The following PCDH11X variants were observed in gnomAD, a reference collection of about 807,000 sequenced individuals.
PCDH11X encodes the protein protocadherin 11 X-linked, also known as protocadherin-11 X-linked.
Under a neutral mutation model 53.3 loss-of-function variants are expected in PCDH11X, and 18 were observed. The ratio of observed to expected loss-of-function variants is 0.34; its 90% CI spans 0.23 to 0.50. The LOEUF is 0.50. PCDH11X is among the 20% of genes least tolerant of loss of function. PCDH11X has a pLI of 0.98. For missense variants in PCDH11X, 570 were observed against 1,032.4 expected (o/e 0.55, Z 6.14); for synonymous variants, 279 against 393.3 (o/e 0.71, Z 3.44).
In PCDH11X at chrX:91,877,491, C is replaced by T. The variant is rs372561640; in HGVS notation, c.1251C>T (p.Leu417=). The T allele has an allele frequency of 1.1e-5, 13 of 1,211,484 alleles. No individual in the cohort carries two copies. The Middle Eastern group carries it at 1.1e-3, about 107-fold the overall frequency. ...RLRPVFSNQF[L]LETAAYLDYE... ...GGCCAGTATTCAGTAATCAGTTCCT[C>T]CTGGAGACTGCAGCATATCTTGACT... is the stretch of plus-strand genomic sequence containing the variant. Residue 417 remains leucine (L), a synonymous_variant, in exon 6 of 11, where the codon CTC becomes CTT. Transcript: ENST00000682573.
At chrX:91,904,521 T>C (rs1941076939) in intron 6 of PCDH11X, among the ~76,000 whole-genome samples, 1 of 111,203 alleles carries the variant, frequency 9.0e-6, no homozygotes, top group African/African-American at 3.3e-5. Flanking sequence ...TATAAAATAG[T>C]ATAAATTAAT....
At chrX:92,445,539 A>G (rs1444050046) in intron 9 of PCDH11X, among the ~76,000 whole-genome samples, 1 of 109,915 alleles carries the variant, frequency 9.1e-6, no homozygotes, top group East Asian at 2.9e-4. Flanking sequence ...TTAAAAAACT[A>G]AAAGAATAGT....
intron 6 of PCDH11X, among the ~76,000 whole-genome samples, chrX:91,916,968 T>C (rs1416911303): frequency 9.0e-6 from 1 of 111,287 alleles, no homozygotes; most frequent in Non-Finnish European, 1.9e-5. Flanking sequence ...TCCACCATGA[T>C]CACGTGGGTT....
At chrX:92,107,565 C>T (rs34790495) in intron 6 of PCDH11X, among the ~76,000 whole-genome samples, 4 of 111,715 alleles carry the variant, frequency 3.6e-5, no homozygotes, top group Non-Finnish European at 7.5e-5. Flanking sequence ...GGAGAAACCC[C>T]GTCTCTACTA....
rs184107313 is a variant in PCDH11X at position 92,585,661 on chromosome X, C to T, written c.3368-32603C>T. The stretch of plus-strand genomic sequence containing the variant: ...CTGGGATTACAGGCGTGAGCCACCG[C>T]GCCCAGCCAAATAGTGCTTTCTGAA... On this transcript the variant is annotated intron_variant, in intron 10 of 10. Transcript: ENST00000682573. Among the ~76,000 whole-genome samples the T allele has an allele frequency of 1.1e-3, 125 of 110,960 alleles. No homozygotes were observed. In the East Asian group the frequency reaches 0.023, roughly 20 times the overall value.
chrX:92,263,291 CT>C, intron 8 of PCDH11X, 148 bp downstream of exon 8: 1 of 461,851 alleles, frequency 2.2e-6, no homozygotes, highest in Non-Finnish European at 3.5e-6. Flanking sequence ...TCAAGCTGAG[CT>C]GTTTTCACAT....
At chrX:92,444,747 A>G (rs1307939705) in intron 9 of PCDH11X, among the ~76,000 whole-genome samples, 1 of 100,547 alleles carries the variant, frequency 9.9e-6, no homozygotes, top group Non-Finnish European at 2.0e-5. Context: ...TTTTTTTTTT[A>G]ATGATGAAGG....
intron 10 of PCDH11X, among the ~76,000 whole-genome samples, chrX:92,587,523 C>A (rs1454018415): frequency 1.2e-4 from 13 of 109,535 alleles, no homozygotes; most frequent in Non-Finnish European, 1.7e-4. Context: ...AACATATAAG[C>A]ATTTAGAAAG....
At chrX:92,104,243 G>C (rs1168201761) in intron 6 of PCDH11X, among the ~76,000 whole-genome samples, 3 of 110,202 alleles carry the variant, frequency 2.7e-5, no homozygotes, top group Non-Finnish European at 5.7e-5. Context: ...GGGTGGAGGA[G>C]TGGAGGCTGA....
intron 6 of PCDH11X, among the ~76,000 whole-genome samples, chrX:92,123,784 G>T (rs2064814499): frequency 9.4e-6 from 1 of 106,229 alleles, no homozygotes; most frequent in Non-Finnish European, 1.9e-5. Flanking sequence ...ATTCTTCTCA[G>T]AATAGATAGA....
At chrX:92,233,761 A>G (rs770511745) in intron 7 of PCDH11X, among the ~76,000 whole-genome samples, 2 of 112,418 alleles carry the variant, frequency 1.8e-5, no homozygotes, top group South Asian at 7.3e-4. Context: ...AGTGTGCTTC[A>G]AACTTAACTA....
At chrX:92,140,596 G>A (rs1271999878) in intron 6 of PCDH11X, among the ~76,000 whole-genome samples, 1 of 111,313 alleles carries the variant, frequency 9.0e-6, no homozygotes, top group African/African-American at 3.3e-5. Context: ...CCTTTTTCTT[G>A]TATTAAAAAC....
At chrX:91,855,801 G>T (rs1383588376) in intron 5 of PCDH11X, among the ~76,000 whole-genome samples, 3 of 111,136 alleles carry the variant, frequency 2.7e-5, no homozygotes, top group Non-Finnish European at 3.8e-5. Flanking sequence ...TGTCACATTG[G>T]TCGCTGTTGG....
At position 92,505,152 on chromosome X, in the gene PCDH11X, C is replaced by CTT. The variant is rs58620449; in HGVS notation, c.3367+36843_3367+36844dup. 9.0e-3 allele frequency among the ~76,000 whole-genome samples: 580 copies of CTT among 64,198 alleles called. 2 individuals are homozygous for CTT. Among genetic ancestry groups the CTT allele is most frequent in the Non-Finnish European group, 9.4e-3 (340 of 36,071 alleles). 55.7% of individuals were successfully genotyped at this position (64,198 alleles called of 115,157 possible). A position where few individuals can be genotyped will look rare whatever the true frequency, so the allele number is the denominator to read the frequency against. On this transcript the variant is annotated intron_variant, in intron 10 of 10. Coordinates refer to ENST00000682573, the MANE Select transcript of PCDH11X (RefSeq NM_032968.5). Reference sequence around the variant, plus strand: ...AGTTGTTTTTTCTTTTTTCTTTTTTCTTTTTTTTTTTTTTGTTTTTTTTTG... The same window carrying CTT: ...AGTTGTTTTTTCTTTTTTCTTTTTTCTTTTTTTTTTTTTTTTGTTTTTTTTTG...
chrX:91,824,610 T>G (rs1260706222), intron 4 of PCDH11X, among the ~76,000 whole-genome samples: 46 of 102,536 alleles, frequency 4.5e-4, no homozygotes, highest in Non-Finnish European at 8.1e-4. Flanking sequence ...CTTCTTTGCC[T>G]TTGGTTTGAA....
intron 7 of PCDH11X, among the ~76,000 whole-genome samples, chrX:92,214,307 T>A (rs779219974): frequency 2.6e-4 from 29 of 111,789 alleles, no homozygotes; most frequent in Non-Finnish European, 4.9e-4. Flanking sequence ...ACGCCAAAAG[T>A]CCTGATCTGG....
intron 8 of PCDH11X, among the ~76,000 whole-genome samples, chrX:92,371,915 A>G (rs1216612783): frequency 1.8e-5 from 2 of 111,773 alleles, no homozygotes; most frequent in African/African-American, 6.5e-5. Flanking sequence ...GGAGCTATGA[A>G]TGAAATTAGC....
intron 7 of PCDH11X, among the ~76,000 whole-genome samples, chrX:92,205,609 T>C (rs2066462572): frequency 1.9e-5 from 2 of 104,123 alleles, no homozygotes; most frequent in Non-Finnish European, 3.9e-5. Context: ...TTTTTTTTTT[T>C]TTTTTTTTGA....
chrX:92,351,244 C>T (rs2070040766), intron 8 of PCDH11X, among the ~76,000 whole-genome samples: 1 of 111,932 alleles, frequency 8.9e-6, no homozygotes, highest in South Asian at 3.7e-4. Flanking sequence ...AATTCTACTC[C>T]TACAAAGCTC....
Sources: gnomAD v4.1 joint callset for allele counts (sites outside exome capture counted in the v4.1 genomes callset) on GRCh38, gnomAD v4.1.1 for gene constraint, MANE v1.5 for transcripts, NCBI Gene and HGNC (gene_info 2026-07-23, HGNC 2026-07-21) for gene names.